SMARCC1: variants seen among roughly 807,000 people sequenced by gnomAD.
SMARCC1 encodes the protein SWI/SNF related BAF chromatin remodeling complex subunit C1, also known as SWI/SNF complex subunit SMARCC1.
SMARCC1 carries 43 observed loss-of-function variants against 147.4 expected under a neutral mutation model. The ratio of observed to expected loss-of-function variants is 0.29; its 90% CI spans 0.23 to 0.38. The LOEUF (loss-of-function observed/expected upper bound fraction) is 0.38, where lower values mean the gene tolerates loss of function less well. Among genes scored for constraint, SMARCC1 ranks in the 10% least tolerant of loss-of-function variants. The pLI is 1.00. For synonymous variants in SMARCC1, 495 were observed against 484.4 expected, an observed-to-expected ratio of 1.02 and a Z score of -0.29; for missense variants, 1,119 against 1,381.1, an observed-to-expected ratio of 0.81 and a Z score of 3.01.
chr3:47,703,488 A>T (rs2033951713), intron 10 of SMARCC1, among the ~76,000 whole-genome samples: 1 of 151,986 alleles, frequency 6.6e-6, no homozygotes, highest in Non-Finnish European at 1.5e-5. Flanking sequence ...AAAGAGCAAG[A>T]TCTTGTCTGG....
chr3:47,779,925 C>A (rs776064068), intron 1 of SMARCC1, among the ~76,000 whole-genome samples: 2 of 152,136 alleles, frequency 1.3e-5, no homozygotes, highest in African/African-American at 2.4e-5. Flanking sequence ...CCATTAGCCA[C>A]TTCTGGAAGC....
At chr3:47,640,834 G>C (rs2033039138) in intron 21 of SMARCC1, among the ~76,000 whole-genome samples, 1 of 151,592 alleles carries the variant, frequency 6.6e-6, no homozygotes, top group African/African-American at 2.4e-5. Context: ...GAAAAACTAA[G>C]CAAATTATAC....
At chr3:47,682,020 T>C (rs2033650449) in intron 14 of SMARCC1, among the ~76,000 whole-genome samples, 3 of 152,178 alleles carry the variant, frequency 2.0e-5, no homozygotes, top group Admixed American at 2.0e-4. Flanking sequence ...ACTGTAATGA[T>C]TTTCCATTTT....
chr3:47,780,470 AC>A, intron 1 of SMARCC1, among the ~76,000 whole-genome samples: 1 of 152,214 alleles, frequency 6.6e-6, no homozygotes, highest in African/African-American at 2.4e-5. Flanking sequence ...TGAATGTACC[AC>A]GTGTAATGCC....
chr3:47,741,835 G>A (rs55673350), intron 3 of SMARCC1, among the ~76,000 whole-genome samples: 6 of 151,716 alleles, frequency 4.0e-5, no homozygotes, highest in African/African-American at 1.2e-4. Flanking sequence ...TTCTGCCTCA[G>A]CCTCCCAAAG....
chr3:47,746,841 C>T (rs1272769098), intron 2 of SMARCC1, among the ~76,000 whole-genome samples: 1 of 151,200 alleles, frequency 6.6e-6, no homozygotes, highest in Non-Finnish European at 1.5e-5. Context: ...AGTGATTCTC[C>T]TGCCTCAGCC....
intron 26 of SMARCC1, among the ~76,000 whole-genome samples, chr3:47,599,351 C>G (rs1177828189): frequency 2.6e-5 from 4 of 152,164 alleles, no homozygotes; most frequent in Non-Finnish European, 1.5e-5. Flanking sequence ...CCACTGCACT[C>G]CAGCCTGAGC....
chr3:47,747,287 A>T (rs1234792170), intron 2 of SMARCC1, among the ~76,000 whole-genome samples: 2 of 151,836 alleles, frequency 1.3e-5, no homozygotes, highest in East Asian at 3.9e-4. Flanking sequence ...TGCAAAAGAA[A>T]TTAGCCAGGC....
chr3:47,673,395 AGGGT>A lies in SMARCC1; in HGVS notation c.1839+2076_1839+2079del, dbSNP rs2033527720. Among the ~76,000 whole-genome samples, 4 of 15,878 alleles carry A rather than the reference AGGGT, an allele frequency of 2.5e-4. 2 individuals are homozygous for A. Among genetic ancestry groups the A allele is most frequent in the African/African-American group, 6.9e-4 (4 of 5,822 alleles). 10.4% of individuals were successfully genotyped at this position (15,878 alleles called of 152,430 possible). ...AGCGAGACTCTGTCTCAAAAAAAAA[AGGGT>A]GGGGGGGGGGCAGGCCAGTGGCTCA... is the stretch of plus-strand genomic sequence containing the variant. On this transcript the variant is annotated intron_variant, in intron 18 of 27. Coordinates refer to ENST00000254480, the MANE Select transcript of SMARCC1 (RefSeq NM_003074.4).
chr3:47,613,874 A>G (rs907336067), intron 25 of SMARCC1, among the ~76,000 whole-genome samples: 1 of 151,700 alleles, frequency 6.6e-6, no homozygotes, highest in Admixed American at 6.6e-5. Flanking sequence ...GAAATCTAAC[A>G]CAACAGAGCA....
chr3:47,706,376 T>G, intron 10 of SMARCC1, 33 bp downstream of exon 10: 1 of 1,481,584 alleles, frequency 6.7e-7, no homozygotes, highest in Non-Finnish European at 9.0e-7. Context: ...CCGGCCTGTT[T>G]TAATGCCCTT....
chr3:47,590,889 A>C (rs1308850420), intron 26 of SMARCC1, 52 bp from the exon 27 acceptor site: 14 of 1,490,944 alleles, frequency 9.4e-6, no homozygotes, highest in Non-Finnish European at 1.3e-5. Context: ...GGGTGTAAGA[A>C]AGGGATCAAC....
At chr3:47,589,733 C>T (rs1301404558) in intron 27 of SMARCC1, among the ~76,000 whole-genome samples, 2 of 152,182 alleles carry the variant, frequency 1.3e-5, no homozygotes, top group Non-Finnish European at 2.9e-5. Flanking sequence ...ACTTAAGGCA[C>T]ATCACAGTCT....
intron 21 of SMARCC1, among the ~76,000 whole-genome samples, chr3:47,660,099 CA>C (rs987402184): frequency 6.6e-6 from 1 of 151,952 alleles, no homozygotes; most frequent in Non-Finnish European, 1.5e-5. Context: ...CCTTAGTTCA[CA>C]AAAAAGCTTG....
chr3:47,592,107 TG>T (rs1559620613), intron 26 of SMARCC1, among the ~76,000 whole-genome samples: 2 of 152,336 alleles, frequency 1.3e-5, no homozygotes, highest in East Asian at 3.9e-4. Context: ...GATAGCTAAC[TG>T]GCAATTAAAA....
chr3:47,636,788 A>ATGTGTGTGTGTG (rs35445330), intron 22 of SMARCC1, among the ~76,000 whole-genome samples: 4 of 80,624 alleles, frequency 5.0e-5, no homozygotes, highest in African/African-American at 1.3e-4. Flanking sequence ...AAATATATAT[A>ATGTGTGTGTGTG]TGTGTGTGTG....
rs75266224 is a variant in SMARCC1 at position 47,654,572 on chromosome 3, T to C, written c.2320+6722A>G. 6.5e-4 allele frequency among the ~76,000 whole-genome samples: 99 copies of C among 152,268 alleles called. No individual in the cohort carries two copies. The East Asian group carries it at 0.018, about 28-fold the overall frequency. ...AGCCTATCTGAAACTAGATAACTTA[T>C]AAAGAAAAAGGGTTTATTTAGCTCA... On this transcript the variant is annotated intron_variant, in intron 21 of 27. Coordinates refer to ENST00000254480, the MANE Select transcript of SMARCC1 (RefSeq NM_003074.4).
At chr3:47,726,563 G>A (rs2034302657) in intron 6 of SMARCC1, among the ~76,000 whole-genome samples, 1 of 152,180 alleles carries the variant, frequency 6.6e-6, no homozygotes, top group Non-Finnish European at 1.5e-5. Context: ...AGTGTTGCAT[G>A]TCCAATCTCC....
Position 47,587,625 on chromosome 3 carries a change from T to C in SMARCC1, c.*584A>G, listed in dbSNP as rs1426874957. 1 of 152,788 alleles carries C rather than the reference T, an allele frequency of 6.5e-6. No homozygotes were observed. The highest frequency in any genetic ancestry group is 2.1e-4 in the South Asian group (1 of 4,840). The allele number at this position is 152,788 out of a possible 1,614,324, so 9.5% of individuals were successfully genotyped here. A position where few individuals can be genotyped will look rare whatever the true frequency, so the allele number is the denominator to read the frequency against. ...ATCTCGTTTAATTTTCACAAATTTG[T>C]GTGTGGCAAAAGTCTCAAACTTTAC... is the stretch of plus-strand genomic sequence containing the variant. On this transcript the variant is annotated 3_prime_UTR_variant, in exon 28 of 28. Transcript: ENST00000254480.
Sources: allele counts gnomAD v4.1 joint callset (sites outside exome capture counted in the v4.1 genomes callset), GRCh38; gene constraint gnomAD v4.1.1; transcripts MANE v1.5; gene names NCBI Gene and HGNC (gene_info 2026-07-23, HGNC 2026-07-21).